Variants in THOC7 observed in about 807,000 individuals in gnomAD.
THOC7 encodes THO complex subunit 7, also known as NIF3L1-binding protein 1.
Under a neutral mutation model 33.1 loss-of-function variants are expected in THOC7, and 22 were observed. That is an observed-to-expected ratio of 0.66 (90% confidence interval 0.47 to 0.95). THOC7 has a LOEUF of 0.95. THOC7 is among the 40% of genes least tolerant of loss of function. The pLI is 0.00. For synonymous variants in THOC7, 77 were observed against 76.8 expected (o/e 1.00, Z -0.01); for missense variants, 184 against 245.3 (o/e 0.75, Z 1.67).
rs367732721 is a variant in THOC7, at chr3:63,834,094, A to T, written c.*38T>A. On this transcript the variant is annotated 3_prime_UTR_variant, in exon 8 of 8. Coordinates refer to ENST00000295899, the MANE Select transcript of THOC7 (RefSeq NM_025075.4). ...TTAAACACATTATGGTCATGTAGCT[A>T]TTTCAATATTCCTGGGAGTGGTGGG... is the stretch of plus-strand genomic sequence containing the variant. 1.2e-6 allele frequency: 2 copies of T among 1,603,972 alleles called. No individual in the cohort carries two copies. Among genetic ancestry groups the T allele is most frequent in the Non-Finnish European group, 1.7e-6 (2 of 1,171,492 alleles).
At chr3:63,834,538 T>C (rs1701589002) in intron 7 of THOC7, among the ~76,000 whole-genome samples, 1 of 151,824 alleles carries the variant, frequency 6.6e-6, no homozygotes, top group African/African-American at 2.4e-5. Context: ...CATGCACCTG[T>C]AATTCCAGCT....
Position 63,839,736 on chromosome 3 carries a change from A to G in THOC7, c.57T>C (p.Asp19=), listed in dbSNP as rs1701718105. The G allele has an allele frequency of 6.2e-7, 1 of 1,613,296 alleles. No individual in the cohort carries two copies. Among genetic ancestry groups the G allele is most frequent in the Non-Finnish European group, 8.5e-7 (1 of 1,179,942 alleles). The change falls in exon 2 of 8, where the codon GAT becomes GAC. Residue 19 remains aspartate (D), a synonymous_variant. Coordinates refer to ENST00000295899, the MANE Select transcript of THOC7 (RefSeq NM_025075.4). ...TAATTCTCCGATCATCTCCAGCACC[A>G]TCTCCATCAATGAGGAGACGCTTCC... is the stretch of plus-strand genomic sequence containing the variant. The part of the protein sequence containing the change: ...VIRKRLLIDG[D]GAGDDRRINL...
intron 1 of THOC7, among the ~76,000 whole-genome samples, chr3:63,842,725 A>G (rs900875526): frequency 4.0e-5 from 6 of 151,238 alleles, no homozygotes; most frequent in African/African-American, 7.3e-5. Flanking sequence ...GGGGTGAGGG[A>G]AAAAAAAACT....
At chr3:63,855,050 A>T (rs1702089393) in intron 1 of THOC7, among the ~76,000 whole-genome samples, 1 of 152,104 alleles carries the variant, frequency 6.6e-6, no homozygotes, top group African/African-American at 2.4e-5. Context: ...AATTAACTTC[A>T]CGTATTAATT....
intron 1 of THOC7, chr3:63,860,755 TTTAA>T (rs1446314975): frequency 1.3e-5 from 2 of 152,232 alleles, no homozygotes; most frequent in East Asian, 1.9e-4. Flanking sequence ...TTCTAATCCG[TTTAA>T]TTTTTATATT....
chr3:63,843,994 C>T (rs1443673525), intron 1 of THOC7, among the ~76,000 whole-genome samples: 2 of 151,924 alleles, frequency 1.3e-5, no homozygotes, highest in African/African-American at 2.4e-5. Context: ...CACATACATA[C>T]ATAAACAATG....
At chr3:63,852,344 CAA>C (rs2107154572) in intron 1 of THOC7, among the ~76,000 whole-genome samples, 1 of 152,184 alleles carries the variant, frequency 6.6e-6, no homozygotes, top group East Asian at 1.9e-4. Context: ...GGGGTTACAC[CAA>C]GAGAGAAGGC....
chr3:63,847,931 GA>G (rs928559983), intron 1 of THOC7, among the ~76,000 whole-genome samples: 1 of 152,132 alleles, frequency 6.6e-6, no homozygotes, highest in African/African-American at 2.4e-5. Flanking sequence ...GCCATGATGG[GA>G]ATGGGGGTGG....
At chr3:63,846,446 T>C (rs756580707) in intron 1 of THOC7, among the ~76,000 whole-genome samples, 4 of 152,194 alleles carry the variant, frequency 2.6e-5, no homozygotes, top group Non-Finnish European at 4.4e-5. Context: ...TCACTCTTGT[T>C]GCCCAGGCTG....
intron 1 of THOC7, among the ~76,000 whole-genome samples, chr3:63,849,020 C>T (rs1701966898): frequency 6.6e-6 from 1 of 152,168 alleles, no homozygotes; most frequent in East Asian, 1.9e-4. Context: ...TTCTCTTTAA[C>T]AGGATACAAT....
intron 1 of THOC7, among the ~76,000 whole-genome samples, chr3:63,840,660 C>T (rs1385179530): frequency 6.6e-6 from 1 of 152,174 alleles, no homozygotes; most frequent in South Asian, 2.1e-4. Flanking sequence ...GGGTCCAAAT[C>T]TGTCTGCCTG....
At position 63,834,017 on chromosome 3, in the gene THOC7, A is replaced by T; in HGVS notation, c.*115T>A. 1.1e-6 allele frequency: 1 copy of T among 932,834 alleles called. No individual in the cohort carries two copies. The highest frequency in any genetic ancestry group is 1.6e-6 in the Non-Finnish European group (1 of 617,610). 57.8% of individuals were successfully genotyped at this position (932,834 alleles called of 1,614,324 possible). Reference sequence around the variant, plus strand: ...TGAATGAAATACATTCATACTTAAAAACAGAGTATTTTACTGCCAAAACTT... The same window carrying T: ...TGAATGAAATACATTCATACTTAAATACAGAGTATTTTACTGCCAAAACTT... On this transcript the variant is annotated 3_prime_UTR_variant, in exon 8 of 8. Transcript: ENST00000295899.
upstream of THOC7, among the ~76,000 whole-genome samples, chr3:63,864,127 A>T (rs1290074360): frequency 6.8e-6 from 1 of 147,658 alleles, no homozygotes; most frequent in East Asian, 2.1e-4. Flanking sequence ...CCACGCCCAG[A>T]GGCCGCCCCG....
chr3:63,863,446 C>G (rs1039263684), intron 1 of THOC7: 23 of 1,129,828 alleles, frequency 2.0e-5, no homozygotes, highest in Non-Finnish European at 2.5e-5. Context: ...TGCACCGCTT[C>G]TAGCCGTCTC....
chr3:63,852,253 C>A (rs1335737685), intron 1 of THOC7, among the ~76,000 whole-genome samples: 2 of 152,138 alleles, frequency 1.3e-5, no homozygotes, highest in Non-Finnish European at 2.9e-5. Context: ...AGAGACCCGT[C>A]AAAGGGGCAC....
At chr3:63,847,033 A>G (rs1002643223) in intron 1 of THOC7, among the ~76,000 whole-genome samples, 1 of 152,112 alleles carries the variant, frequency 6.6e-6, no homozygotes, top group African/African-American at 2.4e-5. Flanking sequence ...CACTAGTAGG[A>G]GGGCTAGAAC....
chr3:63,853,067 C>T (rs1702047060), intron 1 of THOC7, among the ~76,000 whole-genome samples: 1 of 150,530 alleles, frequency 6.6e-6, no homozygotes, highest in Admixed American at 6.7e-5. Context: ...AGGAGAATTG[C>T]TTGAATCCAG....
At chr3:63,853,722 C>T (rs539374119) in intron 1 of THOC7, among the ~76,000 whole-genome samples, 18 of 152,190 alleles carry the variant, frequency 1.2e-4, no homozygotes, top group Admixed American at 6.5e-4. Flanking sequence ...TCCTGGCTAA[C>T]GCGGTGAAAC....
In THOC7 at chr3:63,834,135, T is replaced by A; in HGVS notation, c.612A>T (p.Pro204=). The change falls in exon 8 of 8, where the codon CCA becomes CCT. Residue 204 remains proline (P), a synonymous_variant. Transcript: ENST00000295899. ...QEASMETDPK[P] is the part of the protein sequence containing the mutation. Reference sequence around the variant, plus strand: ...GAGTGGTGGGCAATTAGCCTGTCTATGGCTTAGGATCTGTTTCCATGCTTG... The same window carrying A: ...GAGTGGTGGGCAATTAGCCTGTCTAAGGCTTAGGATCTGTTTCCATGCTTG... The A allele has an allele frequency of 6.2e-7, 1 of 1,614,136 alleles. No individual in the cohort carries two copies. The highest frequency in any genetic ancestry group is 8.5e-7 in the Non-Finnish European group (1 of 1,180,016).
Sources: allele counts gnomAD v4.1 joint callset (sites outside exome capture counted in the v4.1 genomes callset), GRCh38; gene constraint gnomAD v4.1.1; transcripts MANE v1.5; gene names NCBI Gene and HGNC (gene_info 2026-07-23, HGNC 2026-07-21).